The following UNC5D variants were observed in gnomAD, a reference collection of about 807,000 sequenced individuals.
UNC5D encodes the protein unc-5 netrin receptor D, also known as netrin receptor UNC5D.
UNC5D carries 39 observed loss-of-function variants against 105.4 expected under a neutral mutation model. The observed-to-expected ratio is 0.37, with a 90% CI of 0.29 to 0.48. The LOEUF is 0.48. Ranked by LOEUF, UNC5D falls within the 20% of genes least tolerant of loss-of-function variation. The probability of loss-of-function intolerance (pLI) is 0.98; values close to 1 mark genes in which losing one functional copy is unlikely to be tolerated. For synonymous variants in UNC5D, 452 were observed against 450.4 expected, an observed-to-expected ratio of 1.00 and a Z score of -0.04; for missense variants, 991 against 1,202.4, an observed-to-expected ratio of 0.82 and a Z score of 2.60.
intron 4 of UNC5D, among the ~76,000 whole-genome samples, chr8:35,622,609 C>G (rs1821427100): frequency 6.6e-6 from 1 of 152,120 alleles, no homozygotes; most frequent in Admixed American, 6.5e-5. Flanking sequence ...GTCTTTTTAA[C>G]ATATACCTTG....
intron 1 of UNC5D, among the ~76,000 whole-genome samples, chr8:35,487,593 A>ACACACACACCC (rs1415748793): frequency 6.6e-6 from 1 of 150,472 alleles, no homozygotes; most frequent in African/African-American, 2.5e-5. Flanking sequence ...ACACACACAC[A>ACACACACACCC]CCCCACAGAC....
At chr8:35,305,673 T>C (rs1023558581) in intron 1 of UNC5D, among the ~76,000 whole-genome samples, 3 of 150,526 alleles carry the variant, frequency 2.0e-5, no homozygotes, top group African/African-American at 7.3e-5. Context: ...CTTTTTCTTT[T>C]CTTTCCCTCT....
intron 1 of UNC5D, among the ~76,000 whole-genome samples, chr8:35,445,430 A>G (rs1480749832): frequency 1.3e-5 from 2 of 152,100 alleles, no homozygotes; most frequent in Non-Finnish European, 2.9e-5. Flanking sequence ...AATACATTTA[A>G]CATTTACTAT....
At chr8:35,766,401 A>C (rs1456997533) in intron 14 of UNC5D, among the ~76,000 whole-genome samples, 1 of 152,008 alleles carries the variant, frequency 6.6e-6, no homozygotes, top group East Asian at 1.9e-4. Context: ...TTTATGTTGG[A>C]TACATTAGCA....
At chr8:35,545,579 T>C (rs895423126) in intron 1 of UNC5D, among the ~76,000 whole-genome samples, 2 of 152,076 alleles carry the variant, frequency 1.3e-5, no homozygotes, top group South Asian at 4.1e-4. Context: ...AGTGTGGAAC[T>C]TGGAGTGTGG....
intron 10 of UNC5D, among the ~76,000 whole-genome samples, chr8:35,728,095 AATAT>A (rs1554596595): frequency 2.7e-5 from 3 of 110,364 alleles, no homozygotes; most frequent in African/African-American, 1.6e-4. Flanking sequence ...AAAAAAAAAA[AATAT>A]ATATATATAT....
At chr8:35,389,764 G>A (rs971284526) in intron 1 of UNC5D, among the ~76,000 whole-genome samples, 16 of 147,546 alleles carry the variant, frequency 1.1e-4, no homozygotes, top group South Asian at 6.4e-4. Flanking sequence ...AAAAAGTCTC[G>A]TGGGGCAATA....
chr8:35,406,295 G>T (rs1585768568), intron 1 of UNC5D, among the ~76,000 whole-genome samples: 1 of 152,224 alleles, frequency 6.6e-6, no homozygotes, highest in South Asian at 2.1e-4. Context: ...TGCATCCTGA[G>T]GTATTGACAA....
At chr8:35,370,200 T>C (rs889488529) in intron 1 of UNC5D, among the ~76,000 whole-genome samples, 17 of 152,312 alleles carry the variant, frequency 1.1e-4, no homozygotes, top group African/African-American at 3.6e-4. Context: ...ATAAATACCA[T>C]GAGTTAACCA....
At chr8:35,292,941 C>T (rs1012144226) in intron 1 of UNC5D, among the ~76,000 whole-genome samples, 7 of 152,132 alleles carry the variant, frequency 4.6e-5, no homozygotes, top group South Asian at 2.1e-4. Context: ...CCACCCACCT[C>T]GGCCTTCCAA....
At chr8:35,469,396 G>T (rs930503119) in intron 1 of UNC5D, among the ~76,000 whole-genome samples, 2 of 152,156 alleles carry the variant, frequency 1.3e-5, no homozygotes, top group Non-Finnish European at 2.9e-5. Context: ...GGAGTAATCA[G>T]TAAATAGAAG....
chr8:35,621,877 T>A (rs1821380095), intron 4 of UNC5D, among the ~76,000 whole-genome samples: 1 of 152,194 alleles, frequency 6.6e-6, no homozygotes, highest in Admixed American at 6.5e-5. Context: ...CCACTTAATG[T>A]GGCTGAAGAG....
At chr8:35,295,467 G>C (rs979504051) in intron 1 of UNC5D, among the ~76,000 whole-genome samples, 2 of 151,968 alleles carry the variant, frequency 1.3e-5, no homozygotes, top group Non-Finnish European at 2.9e-5. Flanking sequence ...ACACAGCTCA[G>C]GCCTGTGTTG....
At chr8:35,594,252 A>G (rs1819354777) in intron 3 of UNC5D, among the ~76,000 whole-genome samples, 1 of 152,212 alleles carries the variant, frequency 6.6e-6, no homozygotes, top group Non-Finnish European at 1.5e-5. Context: ...TGGGAGGGAA[A>G]GCATTAAGAG....
At chr8:35,625,015 T>C (rs1351816931) in intron 4 of UNC5D, among the ~76,000 whole-genome samples, 2 of 152,236 alleles carry the variant, frequency 1.3e-5, no homozygotes, top group Non-Finnish European at 2.9e-5. Flanking sequence ...TGTGCATATG[T>C]GTGTATGAAT....
intron 1 of UNC5D, among the ~76,000 whole-genome samples, chr8:35,338,008 G>A (rs1811179546): frequency 6.6e-6 from 1 of 152,194 alleles, no homozygotes; most frequent in South Asian, 2.1e-4. Flanking sequence ...TTATTGTACA[G>A]TATTCATAAT....
chr8:35,324,551 C>G (rs951113251), intron 1 of UNC5D, among the ~76,000 whole-genome samples: 1 of 152,104 alleles, frequency 6.6e-6, no homozygotes, highest in Non-Finnish European at 1.5e-5. Flanking sequence ...TTGAACAACT[C>G]TTATGTGCAT....
intron 3 of UNC5D, among the ~76,000 whole-genome samples, chr8:35,581,897 A>C (rs1241434476): frequency 6.6e-6 from 1 of 152,080 alleles, no homozygotes; most frequent in East Asian, 1.9e-4. Context: ...CTTCATTCAC[A>C]TCCTGTTCAC....
intron 15 of UNC5D, 150 bp from the exon 16 acceptor site, chr8:35,774,149 G>A: frequency 1.3e-6 from 1 of 790,256 alleles, no homozygotes; most frequent in East Asian, 2.7e-5. Context: ...TTAGAAGAAA[G>A]GGGAACTTAT....
Sources: allele counts gnomAD v4.1 joint callset (sites outside exome capture counted in the v4.1 genomes callset), GRCh38; gene constraint gnomAD v4.1.1; transcripts MANE v1.5; gene names NCBI Gene and HGNC (gene_info 2026-07-23, HGNC 2026-07-21).